POU2F1: variants seen among roughly 807,000 people sequenced by gnomAD.
POU2F1 encodes the protein POU domain, class 2, transcription factor 1.
In POU2F1, 16 loss-of-function variants were observed where a neutral mutation model predicts 84.9. That is an observed-to-expected ratio of 0.19 (90% confidence interval 0.13 to 0.29). The LOEUF (loss-of-function observed/expected upper bound fraction) is 0.29, where lower values mean the gene tolerates loss of function less well. Among genes scored for constraint, POU2F1 ranks in the 10% least tolerant of loss-of-function variants. The pLI, the probability that POU2F1 is intolerant of heterozygous loss-of-function variation, is 1.00. For synonymous variants in POU2F1, 368 were observed against 368.3 expected (o/e 1.00, Z 0.01); for missense variants, 738 against 942.6 (o/e 0.78, Z 2.84).
At chr1:167,312,727 T>G (rs529982855) in intron 1 of POU2F1, among the ~76,000 whole-genome samples, 12 of 152,340 alleles carry the variant, frequency 7.9e-5, no homozygotes, top group African/African-American at 2.6e-4. Flanking sequence ...ACTCCTTCAC[T>G]GGCTCACCCA....
intron 1 of POU2F1, among the ~76,000 whole-genome samples, chr1:167,304,122 C>T (rs1402987148): frequency 6.6e-6 from 1 of 152,026 alleles, no homozygotes; most frequent in Non-Finnish European, 1.5e-5. Flanking sequence ...AGTCTAGTGC[C>T]TTTTTTATAT....
intron 1 of POU2F1, among the ~76,000 whole-genome samples, chr1:167,237,111 G>C (rs962856783): frequency 5.3e-5 from 8 of 152,186 alleles, no homozygotes; most frequent in African/African-American, 1.7e-4. Context: ...TAACTTCTGA[G>C]TAGAGATGGC....
At position 167,251,722 on chromosome 1, in the gene POU2F1, G is replaced by A. The variant is rs16858830; in HGVS notation, c.61+30764G>A. Among the ~76,000 whole-genome samples the A allele has an allele frequency of 7.2e-3, 1,088 of 152,080 alleles. 8 individuals are homozygous for A. Among genetic ancestry groups the A allele is most frequent in the African/African-American group, 0.024 (1,008 of 41,488 alleles). On this transcript the variant is annotated intron_variant, in intron 1 of 15. Coordinates refer to ENST00000367866, the MANE Select transcript of POU2F1 (RefSeq NM_002697.4). ...ATAGGCTATGTTTAGGTTTCTTTACGTATTAGGCTTTACAAAGAAGATGAA... is the reference window on the plus strand; with the variant it reads ...ATAGGCTATGTTTAGGTTTCTTTACATATTAGGCTTTACAAAGAAGATGAA...
intron 2 of POU2F1, among the ~76,000 whole-genome samples, chr1:167,337,180 A>T (rs1405424615): frequency 6.6e-6 from 1 of 151,340 alleles, no homozygotes; most frequent in Non-Finnish European, 1.5e-5. Context: ...AAAAAAAAAA[A>T]GCTAGGTGTA....
chr1:167,323,954 A>C (rs1435958605), intron 1 of POU2F1, among the ~76,000 whole-genome samples: 1 of 152,156 alleles, frequency 6.6e-6, no homozygotes, highest in Non-Finnish European at 1.5e-5. Flanking sequence ...AGGACTCCCA[A>C]AGTGTTGGGA....
At chr1:167,257,356 A>C (rs1651217856) in intron 1 of POU2F1, among the ~76,000 whole-genome samples, 1 of 152,230 alleles carries the variant, frequency 6.6e-6, no homozygotes, top group South Asian at 2.1e-4. Flanking sequence ...AAGGAAGAGC[A>C]CTACAGTAAC....
At chr1:167,301,395 A>C (rs1391169584) in intron 1 of POU2F1, among the ~76,000 whole-genome samples, 1 of 152,232 alleles carries the variant, frequency 6.6e-6, no homozygotes, top group African/African-American at 2.4e-5. Flanking sequence ...CATTTCAAGC[A>C]AAGATAAAAT....
intron 1 of POU2F1, among the ~76,000 whole-genome samples, chr1:167,261,951 C>T (rs1413269609): frequency 6.6e-6 from 1 of 152,204 alleles, no homozygotes; most frequent in African/African-American, 2.4e-5. Context: ...TCCCAAAGTG[C>T]TGGGATTACA....
intron 1 of POU2F1, among the ~76,000 whole-genome samples, chr1:167,251,871 G>A (rs917052616): frequency 2.7e-5 from 4 of 148,772 alleles, no homozygotes; most frequent in Non-Finnish European, 5.9e-5. Flanking sequence ...TTTAAACAGA[G>A]CCTCACTGTG....
At chr1:167,305,939 C>T (rs1300171694) in intron 1 of POU2F1, among the ~76,000 whole-genome samples, 3 of 152,122 alleles carry the variant, frequency 2.0e-5, no homozygotes, top group Non-Finnish European at 2.9e-5. Flanking sequence ...TAGACATGTT[C>T]ACATGTATTC....
chr1:167,415,733 A>C lies in POU2F1; in HGVS notation c.2224A>C (p.Ile742Leu), dbSNP rs1178334322. ...CGCCACCTCCACCTCTGCTGAGTCC[A>C]TCCAGAACTCTCTCTTCACAGTGGC... ...LHATSTSAESIQNSLFTVASA... is the reference protein window; with the variant it reads ...LHATSTSAESLQNSLFTVASA... Residue 742 changes from isoleucine to leucine, a missense_variant, in exon 16 of 16, where the codon ATC becomes CTC. Coordinates refer to ENST00000367866, the MANE Select transcript of POU2F1 (RefSeq NM_002697.4). 1.2e-6 allele frequency: 2 copies of C among 1,614,006 alleles called. No individual in the cohort carries two copies. The highest frequency in any genetic ancestry group is 2.7e-5 in the African/African-American group (2 of 74,910).
At chr1:167,356,350 C>T (rs957596480) in intron 2 of POU2F1, among the ~76,000 whole-genome samples, 2 of 151,836 alleles carry the variant, frequency 1.3e-5, no homozygotes, top group African/African-American at 4.8e-5. Context: ...TCATTAAACT[C>T]TCTTATTCTA....
At chr1:167,282,638 T>G (rs1326132262) in intron 1 of POU2F1, among the ~76,000 whole-genome samples, 1 of 152,202 alleles carries the variant, frequency 6.6e-6, no homozygotes, top group Non-Finnish European at 1.5e-5. Flanking sequence ...GTTTCCTGAA[T>G]TTATCATCCC....
At chr1:167,335,041 T>C (rs1280404041) in intron 2 of POU2F1, among the ~76,000 whole-genome samples, 1 of 152,248 alleles carries the variant, frequency 6.6e-6, no homozygotes, top group African/African-American at 2.4e-5. Flanking sequence ...GTTAATTCTA[T>C]ACCTTCTGTC....
Position 167,420,524 on chromosome 1 carries a change from G to T in POU2F1, c.*4714G>T, listed in dbSNP as rs2902147. The T allele has an allele frequency of 0.61, 93,330 of 152,044 alleles. 30,432 individuals are homozygous for T. Among genetic ancestry groups the T allele is most frequent in the East Asian group, 0.87 (4,493 of 5,186 alleles). 9.4% of individuals were successfully genotyped at this position (152,044 alleles called of 1,614,324 possible). On this transcript the variant is annotated 3_prime_UTR_variant, in exon 16 of 16. Coordinates refer to ENST00000367866, the MANE Select transcript of POU2F1 (RefSeq NM_002697.4). ...ACATTGCAATTAGTGTAGAATAAAC[G>T]CTTGGCTTATAGAACTCTCTGTTCT...
chr1:167,280,187 C>CG (rs61154550), intron 1 of POU2F1, among the ~76,000 whole-genome samples: 19 of 143,368 alleles, frequency 1.3e-4, no homozygotes, highest in African/African-American at 3.2e-4. Context: ...TACTCTGTCT[C>CG]GGGGAAAAAA....
chr1:167,353,626 C>G (rs979601478), intron 2 of POU2F1, among the ~76,000 whole-genome samples: 3 of 152,188 alleles, frequency 2.0e-5, no homozygotes, highest in Non-Finnish European at 2.9e-5. Flanking sequence ...AAACGATCAT[C>G]ACTCACCACC....
chr1:167,270,016 G>T (rs935380937), intron 1 of POU2F1, among the ~76,000 whole-genome samples: 1 of 151,510 alleles, frequency 6.6e-6, no homozygotes, highest in South Asian at 2.1e-4. Context: ...TTAACATTTA[G>T]TGACCACCTT....
Position 167,365,555 on chromosome 1 carries a change from A to G in POU2F1, c.216A>G (p.Gly72=), listed in dbSNP as rs762247255. The change falls in exon 3 of 16, where the codon GGA becomes GGG. Residue 72 remains glycine (G), a synonymous_variant. Transcript: ENST00000367866. ...ISTAQAQAFL[G]HLHQVQLAGT... ...CAGCCCAGGCGCAGGCTTTCCTTGG[A>G]CATCTCCATCAGGTAGGAATGTTCT... 1.9e-6 allele frequency: 3 copies of G among 1,596,594 alleles called. No individual in the cohort carries two copies. Among genetic ancestry groups the G allele is most frequent in the Non-Finnish European group, 2.6e-6 (3 of 1,171,762 alleles).
Sources: gnomAD v4.1 joint callset for allele counts (sites outside exome capture counted in the v4.1 genomes callset) on GRCh38, gnomAD v4.1.1 for gene constraint, MANE v1.5 for transcripts, NCBI Gene and HGNC (gene_info 2026-07-23, HGNC 2026-07-21) for gene names.